Variants in CHODL observed in about 807,000 individuals in gnomAD.
CHODL encodes the protein chondrolectin.
Under a neutral mutation model 34.5 loss-of-function variants are expected in CHODL, and 29 were observed. The observed-to-expected ratio is 0.84, with a 90% CI of 0.63 to 1.15. The LOEUF is 1.15. CHODL is among the 50% of genes most tolerant of loss of function. The pLI, the probability that CHODL is intolerant of heterozygous loss-of-function variation, is 0.00. For missense variants in CHODL, 332 were observed against 332.5 expected (o/e 1.00, Z 0.01); for synonymous variants, 125 against 116.1 (o/e 1.08, Z -0.49).
intron 1 of CHODL, among the ~76,000 whole-genome samples, chr21:18,004,540 TA>T (rs1289521304): frequency 6.6e-6 from 1 of 152,232 alleles, no homozygotes; most frequent in Non-Finnish European, 1.5e-5. Flanking sequence ...TCATCTGAAT[TA>T]AATGGGAAGA....
chr21:18,181,391 TTTTG>T (rs1272617975), intron 2 of CHODL, among the ~76,000 whole-genome samples: 4 of 152,126 alleles, frequency 2.6e-5, no homozygotes, highest in African/African-American at 7.2e-5. Flanking sequence ...TTAATCACTT[TTTTG>T]TTTGTTTTTG....
At chr21:18,011,377 C>T (rs1187135738) in intron 1 of CHODL, among the ~76,000 whole-genome samples, 5 of 152,096 alleles carry the variant, frequency 3.3e-5, no homozygotes, top group African/African-American at 1.2e-4. Flanking sequence ...AAGATCAGTG[C>T]ATGGGAGATA....
At chr21:18,153,377 G>T (rs1341400636) in intron 2 of CHODL, among the ~76,000 whole-genome samples, 1 of 152,132 alleles carries the variant, frequency 6.6e-6, no homozygotes, top group Non-Finnish European at 1.5e-5. Context: ...CCCAGAAGCT[G>T]TCAAATTTCC....
intron 2 of CHODL, among the ~76,000 whole-genome samples, chr21:18,051,411 T>A (rs1450337975): frequency 2.0e-5 from 3 of 151,818 alleles, no homozygotes; most frequent in Admixed American, 2.0e-4. Flanking sequence ...GTCTTTTTTT[T>A]TTTTTTATTT....
intron 2 of CHODL, among the ~76,000 whole-genome samples, chr21:18,190,694 A>G (rs946039916): frequency 3.3e-5 from 5 of 152,198 alleles, no homozygotes; most frequent in African/African-American, 1.2e-4. Flanking sequence ...TCCTCTCTGC[A>G]GTGGTTTGAT....
At position 18,215,321 on chromosome 21, in the gene CHODL, A is replaced by G. The variant is rs115056535; in HGVS notation, c.-44-41188A>G. Reference sequence around the variant, plus strand: ...CCTACCTACAAACTTCCACCTCAGGAGATAGGCAATTGATCTTCTCCAGCA... The same window carrying G: ...CCTACCTACAAACTTCCACCTCAGGGGATAGGCAATTGATCTTCTCCAGCA... On this transcript the variant is annotated intron_variant, in intron 2 of 6. Transcript: ENST00000400127. 6.9e-3 allele frequency among the ~76,000 whole-genome samples: 1,056 copies of G among 152,196 alleles called. 18 individuals are homozygous for G. Among genetic ancestry groups the G allele is most frequent in the African/African-American group, 0.024 (987 of 41,540 alleles).
intron 1 of CHODL, among the ~76,000 whole-genome samples, chr21:18,006,065 G>C (rs947634235): frequency 6.6e-6 from 1 of 152,110 alleles, no homozygotes; most frequent in Non-Finnish European, 1.5e-5. Context: ...AACCCATTTT[G>C]CTTGGCCGTC....
intron 1 of CHODL, among the ~76,000 whole-genome samples, chr21:17,967,382 A>G (rs1458576375): frequency 6.6e-6 from 1 of 152,146 alleles, no homozygotes; most frequent in Non-Finnish European, 1.5e-5. Flanking sequence ...CTTTTACTTA[A>G]AAACACATTC....
intron 2 of CHODL, among the ~76,000 whole-genome samples, chr21:18,231,536 T>G (rs1256232271): frequency 6.6e-6 from 1 of 152,160 alleles, no homozygotes; most frequent in Non-Finnish European, 1.5e-5. Flanking sequence ...AGGTTGTAGT[T>G]CAGGGTTCAT....
At chr21:18,053,777 A>T (rs931632740) in intron 2 of CHODL, among the ~76,000 whole-genome samples, 7 of 151,910 alleles carry the variant, frequency 4.6e-5, no homozygotes, top group Non-Finnish European at 1.0e-4. Flanking sequence ...TGCAGTTCTG[A>T]GGACTGAAAA....
chr21:18,207,685 G>A (rs549488129), intron 2 of CHODL, among the ~76,000 whole-genome samples: 6 of 105,184 alleles, frequency 5.7e-5, no homozygotes, highest in Non-Finnish European at 9.6e-5. Flanking sequence ...TTTTTTGCGG[G>A]GAAAGTCTTT....
chr21:18,232,893 C>A, intron 2 of CHODL, among the ~76,000 whole-genome samples: 1 of 139,070 alleles, frequency 7.2e-6, no homozygotes, highest in Non-Finnish European at 1.5e-5. Context: ...ATTATGGGGT[C>A]CATATAATTA....
Position 18,260,249 on chromosome 21 carries a change from A to C in CHODL, c.597A>C (p.Pro199=). 6.3e-7 allele frequency: 1 copy of C among 1,583,772 alleles called. No homozygotes were observed. Among genetic ancestry groups the C allele is most frequent in the Non-Finnish European group, 8.6e-7 (1 of 1,168,114 alleles). ...PVEKPYLTNQ[P]GDTHQNVVVT... The stretch of plus-strand genomic sequence containing the variant: ...AAAAGCCTTATCTTACAAATCAACC[A>C]GGAGACACCCATCAGAATGTGGTTG... The change falls in exon 4 of 6, where the codon CCA becomes CCC. Residue 199 remains proline (P), a synonymous_variant. Coordinates refer to ENST00000299295, the MANE Select transcript of CHODL (RefSeq NM_024944.3).
intron 4 of CHODL, 59 bp downstream of exon 4, chr21:18,260,345 C>A: frequency 1.8e-6 from 2 of 1,085,608 alleles, no homozygotes; most frequent in Non-Finnish European, 2.7e-6. Context: ...TCAAACGCTG[C>A]TTCATGTTGA....
chr21:18,188,367 C>G (rs2146686913), intron 2 of CHODL, among the ~76,000 whole-genome samples: 1 of 152,240 alleles, frequency 6.6e-6, no homozygotes, highest in Non-Finnish European at 1.5e-5. Flanking sequence ...TTTGATATTT[C>G]TACATGGATG....
chr21:18,097,887 A>G (rs552365854), intron 2 of CHODL, among the ~76,000 whole-genome samples: 1 of 152,322 alleles, frequency 6.6e-6, no homozygotes, highest in East Asian at 1.9e-4. Context: ...CCAAAGGACC[A>G]GAATAGAGAA....
intron 2 of CHODL, among the ~76,000 whole-genome samples, chr21:18,134,898 T>C (rs1029500091): frequency 7.9e-5 from 12 of 152,234 alleles, no homozygotes; most frequent in Admixed American, 5.9e-4. Context: ...TTGGCTTACC[T>C]ATGATGTAAA....
intron 2 of CHODL, among the ~76,000 whole-genome samples, chr21:18,151,571 C>T (rs370033749): frequency 4.3e-4 from 65 of 152,260 alleles, no homozygotes; most frequent in African/African-American, 1.4e-3. Context: ...ATCCAAAAAA[C>T]GGGTCATGAG....
intron 2 of CHODL, among the ~76,000 whole-genome samples, chr21:18,180,360 G>C (rs28502778): frequency 1.3e-5 from 2 of 152,074 alleles, no homozygotes; most frequent in African/African-American, 4.8e-5. Flanking sequence ...GCCCAGGATG[G>C]ACTCAAACAC....
Sources: allele counts gnomAD v4.1 joint callset (sites outside exome capture counted in the v4.1 genomes callset), GRCh38; gene constraint gnomAD v4.1.1; transcripts MANE v1.5; gene names NCBI Gene and HGNC (gene_info 2026-07-23, HGNC 2026-07-21).